The following CD9 variants were observed in gnomAD, a reference collection of about 807,000 sequenced individuals.
CD9 encodes the protein CD9 antigen.
A neutral mutation model predicts 31.4 loss-of-function variants in CD9; 10 were observed. That is an observed-to-expected ratio of 0.32 (90% CI 0.20 to 0.54). CD9 has a LOEUF of 0.54. CD9 is among the 20% of genes least tolerant of loss of function. CD9 has a pLI of 0.94. For missense variants in CD9, 259 were observed against 300.1 expected (o/e 0.86, Z 1.01); for synonymous variants, 113 against 114.1 (o/e 0.99, Z 0.06).
At chr12:6,235,748 C>T in intron 6 of CD9, 183 bp downstream of exon 6, 2 of 1,412,724 alleles carry the variant, frequency 1.4e-6, no homozygotes, top group South Asian at 1.6e-5. Flanking sequence ...GGCAATAAAA[C>T]AAAGGCCGGA....
At chr12:6,226,691 GTCTC>G (rs1414212859) in intron 2 of CD9, among the ~76,000 whole-genome samples, 2 of 152,152 alleles carry the variant, frequency 1.3e-5, no homozygotes, top group African/African-American at 2.4e-5. Context: ...TTTGGGGTGT[GTCTC>G]TCTATTATCG....
intron 4 of CD9, 148 bp downstream of exon 4, chr12:6,233,634 T>C (rs901351699): frequency 3.0e-6 from 2 of 660,452 alleles, no homozygotes; most frequent in Non-Finnish European, 2.7e-6. Flanking sequence ...TGCCAGCGAA[T>C]GTGCCCTCCT....
At position 6,237,784 on chromosome 12, in the gene CD9, A is replaced by G. The variant is rs116192999; in HGVS notation, c.643A>G (p.Met215Val). ...CTAGATATTTGGCATGATCTTCAGT[A>G]TGATCTTGTGCTGTGCTATCCGCAG... ...VVMIFGMIFSMILCCAIRRNR... is the reference protein window; with the variant it reads ...VVMIFGMIFSVILCCAIRRNR... The change falls in exon 8 of 8, where the codon ATG (methionine) becomes GTG (valine). Residue 215 changes from methionine to valine, a missense_variant. Met to Val is a conservative substitution (Grantham distance 21, BLOSUM62 1). Coordinates refer to ENST00000009180, the MANE Select transcript of CD9 (RefSeq NM_001769.4). The G allele has an allele frequency of 8.7e-6, 14 of 1,613,456 alleles. No homozygotes were observed. The East Asian group carries it at 3.1e-4, about 36-fold the overall frequency.
Position 6,200,570 on chromosome 12 carries a change from G to A in CD9, c.66+5G>A, listed in dbSNP as rs1946063547. 1 of 1,602,846 alleles carries A rather than the reference G, an allele frequency of 6.2e-7. No homozygotes were observed. The highest frequency in any genetic ancestry group is 8.5e-7 in the Non-Finnish European group (1 of 1,171,076). The stretch of plus-strand genomic sequence containing the variant: ...GGATTTAACTTCATCTTCTGGGTGA[G>A]TGAGCGCGACTGCCGCGCGCTCCTC... On this transcript the variant is annotated splice_donor_5th_base_variant and intron_variant, in intron 1 of 7. Coordinates refer to ENST00000009180, the MANE Select transcript of CD9 (RefSeq NM_001769.4).
chr12:6,229,984 A>G (rs1413222236), intron 2 of CD9, among the ~76,000 whole-genome samples: 1 of 152,188 alleles, frequency 6.6e-6, no homozygotes, highest in Admixed American at 6.5e-5. Context: ...AAAGGGGAAC[A>G]CTTTGTCATT....
chr12:6,220,287 C>T (rs1446966225), intron 1 of CD9, among the ~76,000 whole-genome samples: 2 of 152,142 alleles, frequency 1.3e-5, no homozygotes, highest in Non-Finnish European at 2.9e-5. Context: ...AGGCTGAACT[C>T]GGGAAACTTG....
At chr12:6,219,349 G>A (rs1946271161) in intron 1 of CD9, among the ~76,000 whole-genome samples, 1 of 152,098 alleles carries the variant, frequency 6.6e-6, no homozygotes, top group Non-Finnish European at 1.5e-5. Context: ...GTCTGTATAA[G>A]GATTTGCCTG....
At chr12:6,233,957 C>T (rs11064098) in intron 4 of CD9, among the ~76,000 whole-genome samples, 16,663 of 147,128 alleles carry the variant, frequency 0.11, 2,076 homozygotes, top group African/African-American at 0.31. Flanking sequence ...GCCCCACATC[C>T]GGAGACTTGG....
intron 1 of CD9, among the ~76,000 whole-genome samples, chr12:6,209,225 G>C (rs1946166549): frequency 6.6e-6 from 1 of 152,210 alleles, no homozygotes; most frequent in African/African-American, 2.4e-5. Flanking sequence ...CTCCCAAAGT[G>C]CTGGGATTAT....
rs566433682 is a variant in CD9, at chr12:6,216,990, C to T, written c.67-8436C>T. Among the ~76,000 whole-genome samples the T allele has an allele frequency of 3.9e-5, 6 of 152,330 alleles. No homozygotes were observed. In the South Asian group the frequency reaches 1.2e-3, roughly 32 times the overall value. On this transcript the variant is annotated intron_variant, in intron 1 of 7. Transcript: ENST00000009180. ...CATCACTTTATTTAATCCTCTCCTT[C>T]AACCTACGTTGAAGGCAGGACAGGT...
intron 1 of CD9, among the ~76,000 whole-genome samples, chr12:6,202,699 T>A: frequency 6.6e-6 from 1 of 152,016 alleles, no homozygotes; most frequent in South Asian, 2.2e-4. Context: ...CAGAACCCCC[T>A]ATGCCTGGCC....
intron 1 of CD9, among the ~76,000 whole-genome samples, chr12:6,204,704 C>T (rs1224794029): frequency 2.0e-5 from 3 of 152,230 alleles, no homozygotes; most frequent in African/African-American, 4.8e-5. Context: ...GTGTAGTGCA[C>T]TTAGCATAGT....
At chr12:6,216,807 TC>T (rs1251999128) in intron 1 of CD9, among the ~76,000 whole-genome samples, 9 of 152,102 alleles carry the variant, frequency 5.9e-5, no homozygotes, top group Non-Finnish European at 1.2e-4. Flanking sequence ...AGCCGCCTTC[TC>T]CGATCACAGG....
intron 2 of CD9, among the ~76,000 whole-genome samples, chr12:6,230,200 CT>C (rs1336183504): frequency 6.6e-6 from 1 of 152,176 alleles, no homozygotes; most frequent in Non-Finnish European, 1.5e-5. Flanking sequence ...GATCGCTTCC[CT>C]TTTCCCGTGA....
chr12:6,237,674 T>G, intron 7 of CD9, 89 bp from the exon 8 acceptor site: 1 of 943,238 alleles, frequency 1.1e-6, no homozygotes, highest in Non-Finnish European at 1.7e-6. Context: ...GTCATTTTTC[T>G]TGGACTGGGT....
chr12:6,227,493 C>T (rs188596238), intron 2 of CD9, among the ~76,000 whole-genome samples: 255 of 152,230 alleles, frequency 1.7e-3, no homozygotes, highest in Middle Eastern at 3.4e-3. Flanking sequence ...CCACCTCGCC[C>T]GGCTGGAAGA....
chr12:6,226,110 A>G (rs1946362433), intron 2 of CD9, among the ~76,000 whole-genome samples: 1 of 152,180 alleles, frequency 6.6e-6, no homozygotes, highest in African/African-American at 2.4e-5. Flanking sequence ...TGTATTTGAC[A>G]CGACTTTTGC....
At chr12:6,220,130 T>C (rs1343637360) in intron 1 of CD9, among the ~76,000 whole-genome samples, 4 of 152,168 alleles carry the variant, frequency 2.6e-5, no homozygotes, top group African/African-American at 9.7e-5. Flanking sequence ...GACACTGGCC[T>C]GCTCACGTGC....
At chr12:6,200,903 T>A in intron 1 of CD9, 1 of 238,450 alleles carries the variant, frequency 4.2e-6, no homozygotes, top group Non-Finnish European at 8.0e-6. Context: ...CTCAAGTCCC[T>A]CCGAGTGCCA....
Sources: gnomAD v4.1 joint callset for allele counts (sites outside exome capture counted in the v4.1 genomes callset) on GRCh38, gnomAD v4.1.1 for gene constraint, MANE v1.5 for transcripts, NCBI Gene and HGNC (gene_info 2026-07-23, HGNC 2026-07-21) for gene names.